The following ATP6V0D2 variants were observed in gnomAD, a reference collection of about 807,000 sequenced individuals.
ATP6V0D2 encodes the protein V-type proton ATPase subunit d 2.
Under a neutral mutation model 40.0 loss-of-function variants are expected in ATP6V0D2, and 40 were observed. That is an observed-to-expected ratio of 1.00 (90% CI 0.78 to 1.30). The LOEUF (loss-of-function observed/expected upper bound fraction) is 1.30. Among genes scored for constraint, ATP6V0D2 ranks in the 50% most tolerant of loss-of-function variants. The pLI, the probability that ATP6V0D2 is intolerant of heterozygous loss-of-function variation, is 0.00. For missense variants in ATP6V0D2, 470 were observed against 423.1 expected (o/e 1.11, Z -0.97); for synonymous variants, 179 against 156.3 (o/e 1.15, Z -1.08).
intron 2 of ATP6V0D2, among the ~76,000 whole-genome samples, chr8:86,136,736 A>G (rs761516826): frequency 3.3e-5 from 5 of 152,094 alleles, no homozygotes; most frequent in Non-Finnish European, 7.4e-5. Flanking sequence ...CCAACCAGAA[A>G]CGAATTCCCT....
chr8:86,134,557 T>C lies in ATP6V0D2; in HGVS notation c.303-4900T>C, dbSNP rs542664323. ...GAAGGAAAAGACACTTAAAAAGAAGTAAAGTTTTTAAAACTGCACTAAAAT... is the reference window on the plus strand; with the variant it reads ...GAAGGAAAAGACACTTAAAAAGAAGCAAAGTTTTTAAAACTGCACTAAAAT... On this transcript the variant is annotated intron_variant, in intron 2 of 7. Transcript: ENST00000285393. Among the ~76,000 whole-genome samples, 23 of 152,292 alleles carry C rather than the reference T, an allele frequency of 1.5e-4. No homozygotes were observed. The South Asian group carries it at 3.7e-3, about 25-fold the overall frequency.
intron 2 of ATP6V0D2, among the ~76,000 whole-genome samples, chr8:86,133,230 A>G (rs557138083): frequency 6.6e-5 from 10 of 151,384 alleles, no homozygotes; most frequent in Non-Finnish European, 1.0e-4. Flanking sequence ...CAGAAAGCCA[A>G]TGGGCACATA....
chr8:86,101,499 T>C (rs1382816565), intron 1 of ATP6V0D2, among the ~76,000 whole-genome samples: 12 of 135,232 alleles, frequency 8.9e-5, no homozygotes, highest in Non-Finnish European at 6.4e-5. Context: ...TTCTAGAAAG[T>C]AAAAAGATAA....
intron 5 of ATP6V0D2, among the ~76,000 whole-genome samples, chr8:86,148,166 T>C (rs1819097378): frequency 6.6e-6 from 1 of 152,190 alleles, no homozygotes; most frequent in African/African-American, 2.4e-5. Context: ...ATTACCTCCA[T>C]TGTTGCTCTA....
intron 5 of ATP6V0D2, 128 bp from the exon 6 acceptor site, chr8:86,149,984 G>T (rs1213096900): frequency 8.3e-6 from 7 of 844,826 alleles, no homozygotes; most frequent in South Asian, 3.7e-5. Context: ...ACACATGTCT[G>T]GAGTATAATT....
intron 5 of ATP6V0D2, among the ~76,000 whole-genome samples, chr8:86,144,190 A>G (rs1271246361): frequency 6.6e-6 from 1 of 152,222 alleles, no homozygotes; most frequent in Non-Finnish European, 1.5e-5. Flanking sequence ...TGACCTGCAT[A>G]TGCATGGGAG....
chr8:86,125,543 T>G (rs1293527788), intron 2 of ATP6V0D2, among the ~76,000 whole-genome samples: 1 of 152,220 alleles, frequency 6.6e-6, no homozygotes, highest in Non-Finnish European at 1.5e-5. Context: ...ATCACTTTCC[T>G]GTATTAAATT....
intron 1 of ATP6V0D2, among the ~76,000 whole-genome samples, chr8:86,100,826 G>C (rs1818386814): frequency 6.6e-6 from 1 of 150,642 alleles, no homozygotes; most frequent in South Asian, 2.1e-4. Flanking sequence ...AAATTTAAAT[G>C]CAAGGAATAC....
At chr8:86,145,545 G>C (rs1185072247) in intron 5 of ATP6V0D2, among the ~76,000 whole-genome samples, 1 of 152,064 alleles carries the variant, frequency 6.6e-6, no homozygotes. Flanking sequence ...TATACAGAAA[G>C]TGGATATCGA....
At chr8:86,115,197 C>T (rs1206954326) in intron 2 of ATP6V0D2, among the ~76,000 whole-genome samples, 2 of 151,972 alleles carry the variant, frequency 1.3e-5, no homozygotes, top group African/African-American at 2.4e-5. Flanking sequence ...AGGGCAGAGA[C>T]TCCTTCTGAA....
chr8:86,150,741 C>T (rs1042167962), intron 6 of ATP6V0D2, among the ~76,000 whole-genome samples: 1 of 152,160 alleles, frequency 6.6e-6, no homozygotes, highest in Non-Finnish European at 1.5e-5. Context: ...ACTCACCTTG[C>T]TGAGTGGCCA....
intron 1 of ATP6V0D2, among the ~76,000 whole-genome samples, chr8:86,112,649 T>A (rs897784004): frequency 4.0e-5 from 6 of 151,564 alleles, no homozygotes. Flanking sequence ...AATAAGCCAA[T>A]CTGAAAAGGG....
chr8:86,107,143 T>C (rs1031387357), intron 1 of ATP6V0D2, among the ~76,000 whole-genome samples: 2 of 152,170 alleles, frequency 1.3e-5, no homozygotes, highest in Non-Finnish European at 1.5e-5. Context: ...TTCAAACCTA[T>C]TGATAGCAGA....
intron 1 of ATP6V0D2, among the ~76,000 whole-genome samples, chr8:86,105,412 C>T (rs1818456633): frequency 6.6e-6 from 1 of 152,004 alleles, no homozygotes; most frequent in South Asian, 2.1e-4. Flanking sequence ...GACCCTCCCA[C>T]CTCAGCCTCC....
At chr8:86,145,104 G>A (rs909444051) in intron 5 of ATP6V0D2, among the ~76,000 whole-genome samples, 1 of 150,948 alleles carries the variant, frequency 6.6e-6, no homozygotes, top group Non-Finnish European at 1.5e-5. Context: ...GGAGGTGGAG[G>A]TTGCAGTGAG....
chr8:86,121,344 C>T (rs1818666729), intron 2 of ATP6V0D2, among the ~76,000 whole-genome samples: 1 of 152,094 alleles, frequency 6.6e-6, no homozygotes, highest in African/African-American at 2.4e-5. Flanking sequence ...CCGAGGTGGG[C>T]AGATCACTTG....
intron 3 of ATP6V0D2, among the ~76,000 whole-genome samples, 175 bp from the exon 4 acceptor site, chr8:86,141,275 G>T (rs1397023830): frequency 6.6e-6 from 1 of 152,186 alleles, no homozygotes; most frequent in Non-Finnish European, 1.5e-5. Flanking sequence ...TGCTTAAAAA[G>T]TAATAACTGC....
At chr8:86,123,316 T>A (rs1400747256) in intron 2 of ATP6V0D2, among the ~76,000 whole-genome samples, 2 of 152,226 alleles carry the variant, frequency 1.3e-5, no homozygotes, top group Non-Finnish European at 2.9e-5. Flanking sequence ...AGATGTGATA[T>A]CAAGTCACTC....
At chr8:86,131,692 G>A (rs1166337392) in intron 2 of ATP6V0D2, among the ~76,000 whole-genome samples, 1 of 151,262 alleles carries the variant, frequency 6.6e-6, no homozygotes. Context: ...GTACAGATGG[G>A]GTTTTACCAT....
Sources: allele counts gnomAD v4.1 joint callset (sites outside exome capture counted in the v4.1 genomes callset), GRCh38; gene constraint gnomAD v4.1.1; transcripts MANE v1.5; gene names NCBI Gene and HGNC (gene_info 2026-07-23, HGNC 2026-07-21).